AFAP1: variants seen among roughly 807,000 people sequenced by gnomAD.
AFAP1 encodes actin filament associated protein 1.
Under a neutral mutation model 93.9 loss-of-function variants are expected in AFAP1, and 75 were observed. That is an observed-to-expected ratio of 0.80 (90% confidence interval 0.66 to 0.97). The LOEUF (loss-of-function observed/expected upper bound fraction) is 0.97, where lower values mean the gene tolerates loss of function less well. AFAP1 is among the 50% of genes least tolerant of loss of function. The pLI is 0.00. For synonymous variants in AFAP1, 517 were observed against 430.7 expected (o/e 1.20, Z -2.48); for missense variants, 1,201 against 1,050.8 (o/e 1.14, Z -1.98).
At chr4:7,911,811 G>T (rs1287258699) in intron 1 of AFAP1, among the ~76,000 whole-genome samples, 2 of 152,184 alleles carry the variant, frequency 1.3e-5, no homozygotes, top group African/African-American at 4.8e-5. Flanking sequence ...GTTCTCCATA[G>T]ACAAGAAGTA....
intron 9 of AFAP1, among the ~76,000 whole-genome samples, chr4:7,804,454 GCAA>G (rs1719323239): frequency 8.5e-6 from 1 of 117,298 alleles, no homozygotes; most frequent in Non-Finnish European, 1.8e-5. Context: ...GCAGTTTCTT[GCAA>G]CAACACTGTG....
At chr4:7,787,047 AT>A (rs1214934753) in intron 11 of AFAP1, among the ~76,000 whole-genome samples, 1 of 152,204 alleles carries the variant, frequency 6.6e-6, no homozygotes, top group Admixed American at 6.5e-5. Context: ...CGTAATAAAT[AT>A]GTATTTTGGT....
At chr4:7,908,094 C>T (rs1319147798) in intron 1 of AFAP1, among the ~76,000 whole-genome samples, 1 of 152,110 alleles carries the variant, frequency 6.6e-6, no homozygotes, top group African/African-American at 2.4e-5. Flanking sequence ...CACCTGTTAT[C>T]CCAGCTACTC....
intron 9 of AFAP1, among the ~76,000 whole-genome samples, chr4:7,806,216 G>A (rs1056205772): frequency 6.6e-6 from 1 of 152,224 alleles, no homozygotes; most frequent in South Asian, 2.1e-4. Context: ...TCACTCAATA[G>A]GCGTTGCAGG....
At chr4:7,899,161 G>A (rs551955185) in intron 1 of AFAP1, among the ~76,000 whole-genome samples, 3 of 151,978 alleles carry the variant, frequency 2.0e-5, no homozygotes, top group Admixed American at 6.6e-5. Context: ...GCATTGGTAT[G>A]GAACATGCTG....
At chr4:7,831,120 A>G (rs1444017475) in intron 6 of AFAP1, among the ~76,000 whole-genome samples, 1 of 152,140 alleles carries the variant, frequency 6.6e-6, no homozygotes, top group Non-Finnish European at 1.5e-5. Flanking sequence ...TTACATCTCT[A>G]AGTGTTTCTG....
chr4:7,790,018 C>T (rs1717720862), intron 11 of AFAP1, among the ~76,000 whole-genome samples: 2 of 152,216 alleles, frequency 1.3e-5, no homozygotes, highest in South Asian at 4.1e-4. Flanking sequence ...CTTACACTTT[C>T]CTCTTTTCAA....
intron 9 of AFAP1, among the ~76,000 whole-genome samples, chr4:7,800,959 C>T (rs6821044): frequency 0.47 from 71,632 of 151,960 alleles, 17,498 homozygotes; most frequent in African/African-American, 0.54. Flanking sequence ...ACCTAAAGCA[C>T]GTGAGAAGTT....
intron 1 of AFAP1, among the ~76,000 whole-genome samples, chr4:7,898,723 G>T (rs1021389408): frequency 1.3e-4 from 19 of 150,250 alleles, no homozygotes; most frequent in Middle Eastern, 3.5e-3. Flanking sequence ...GCAACTTAAG[G>T]ACGCTCTCAA....
chr4:7,905,249 T>C (rs578192491), intron 1 of AFAP1, among the ~76,000 whole-genome samples: 1 of 152,346 alleles, frequency 6.6e-6, no homozygotes, highest in South Asian at 2.1e-4. Context: ...CTCTCTCCCC[T>C]GCAGCTGCAC....
chr4:7,894,813 A>T (rs945714882), intron 1 of AFAP1, among the ~76,000 whole-genome samples: 10 of 152,124 alleles, frequency 6.6e-5, no homozygotes, highest in African/African-American at 2.4e-4. Flanking sequence ...CAAAGAGGAA[A>T]AGCCTCGAGG....
Position 7,915,872 on chromosome 4 carries a change from G to A in AFAP1, c.-3+23784C>T, listed in dbSNP as rs188451735. ...CTCTACATACAATTAGCAAGGAATAGCGGATAAAGGAAACCAAAATAATTA... is the reference window on the plus strand; with the variant it reads ...CTCTACATACAATTAGCAAGGAATAACGGATAAAGGAAACCAAAATAATTA... On this transcript the variant is annotated intron_variant, in intron 1 of 17. Coordinates refer to ENST00000420658, the MANE Select transcript of AFAP1 (RefSeq NM_001134647.2). Among the ~76,000 whole-genome samples the A allele has an allele frequency of 3.2e-3, 492 of 152,370 alleles. 2 individuals carry two copies. The highest frequency in any genetic ancestry group is 0.012 in the African/African-American group (480 of 41,586).
At chr4:7,882,642 C>T (rs986486305) in intron 1 of AFAP1, among the ~76,000 whole-genome samples, 19 of 152,138 alleles carry the variant, frequency 1.2e-4, no homozygotes, top group African/African-American at 4.3e-4. Flanking sequence ...AGGCAGAGCA[C>T]AAGGTCAGGA....
chr4:7,781,714 C>G, intron 12 of AFAP1, 87 bp from the exon 13 acceptor site: 1 of 1,492,828 alleles, frequency 6.7e-7, no homozygotes, highest in Non-Finnish European at 9.0e-7. Flanking sequence ...ATTAATAGTA[C>G]GGCATTTAGC....
At chr4:7,934,256 C>A (rs1234786267) in intron 1 of AFAP1, among the ~76,000 whole-genome samples, 2 of 152,160 alleles carry the variant, frequency 1.3e-5, no homozygotes, top group African/African-American at 4.8e-5. Flanking sequence ...GACTAAACAC[C>A]AGACTAACCC....
At chr4:7,782,324 T>C (rs116602799) in intron 12 of AFAP1, among the ~76,000 whole-genome samples, 8,276 of 152,324 alleles carry the variant, frequency 0.054, 771 homozygotes, top group African/African-American at 0.19. Context: ...TCCAAGCCCC[T>C]GTGCAGGAGT....
chr4:7,888,805 T>G (rs186340703), intron 1 of AFAP1, among the ~76,000 whole-genome samples: 18 of 152,172 alleles, frequency 1.2e-4, no homozygotes, highest in East Asian at 3.9e-4. Context: ...TGTTGTTGTT[T>G]TTTGAAACAG....
intron 8 of AFAP1, among the ~76,000 whole-genome samples, chr4:7,812,677 GCACTGGCGCACGC>G (rs1437504388): frequency 6.6e-6 from 1 of 152,178 alleles, no homozygotes; most frequent in Non-Finnish European, 1.5e-5. Context: ...AGGTGGGCAG[GCACTGGCGCACGC>G]CACTGGAGCA....
intron 1 of AFAP1, among the ~76,000 whole-genome samples, chr4:7,931,253 G>A (rs963042950): frequency 2.6e-5 from 4 of 152,196 alleles, no homozygotes; most frequent in Admixed American, 1.3e-4. Context: ...GTAGGGAATT[G>A]CTGGGTTTTG....
Sources: allele counts gnomAD v4.1 joint callset (sites outside exome capture counted in the v4.1 genomes callset), GRCh38; gene constraint gnomAD v4.1.1; transcripts MANE v1.5; gene names NCBI Gene and HGNC (gene_info 2026-07-23, HGNC 2026-07-21).